Variants in GALNT16 observed in about 807,000 individuals in gnomAD.
The protein encoded by GALNT16 is polypeptide N-acetylgalactosaminyltransferase 16.
Under a neutral mutation model 76.1 loss-of-function variants are expected in GALNT16, and 40 were observed. The observed-to-expected ratio is 0.53, with a 90% CI of 0.41 to 0.68. The LOEUF (loss-of-function observed/expected upper bound fraction) is 0.68. Ranked by LOEUF, GALNT16 falls within the 30% of genes least tolerant of loss-of-function variation. The pLI is 0.00. For missense variants in GALNT16, 621 were observed against 731.9 expected, an observed-to-expected ratio of 0.85 and a Z score of 1.75; for synonymous variants, 276 against 285.2, an observed-to-expected ratio of 0.97 and a Z score of 0.32.
At chr14:69,368,503 C>A in the GALNT16 span, among the ~76,000 whole-genome samples, 2 of 152,226 alleles carry the variant, frequency 1.3e-5, no homozygotes, top group Non-Finnish European at 2.9e-5. Flanking sequence ...TTGGAACCAA[C>A]AGTCTCAGAG....
At chr14:69,385,474 T>C in the GALNT16 span, among the ~76,000 whole-genome samples, 1 of 152,054 alleles carries the variant, frequency 6.6e-6, no homozygotes, top group Non-Finnish European at 1.5e-5. Context: ...CTCCCTTTTT[T>C]ATGATTGAAC....
the GALNT16 span, among the ~76,000 whole-genome samples, chr14:69,365,415 G>C: frequency 6.6e-6 from 1 of 152,168 alleles, no homozygotes; most frequent in African/African-American, 2.4e-5. Context: ...CTGGCACATG[G>C]TAGACAGTAA....
At chr14:69,269,616 TTGTG>T (rs1159307431) in intron 1 of GALNT16, among the ~76,000 whole-genome samples, 1 of 148,204 alleles carries the variant, frequency 6.7e-6, no homozygotes, top group Non-Finnish European at 1.5e-5. Context: ...GTGTTATATG[TTGTG>T]TGTGTGTGGT....
chr14:69,363,775 G>A, the GALNT16 span, among the ~76,000 whole-genome samples: 8 of 152,050 alleles, frequency 5.3e-5, no homozygotes, highest in Non-Finnish European at 1.2e-4. Flanking sequence ...CCTGGTTCCT[G>A]GGCTCTAAAA....
At chr14:69,321,897 C>T (rs574988195) in intron 2 of GALNT16, among the ~76,000 whole-genome samples, 4 of 152,370 alleles carry the variant, frequency 2.6e-5, no homozygotes, top group African/African-American at 9.6e-5. Flanking sequence ...GCTGGGCCTC[C>T]GTCTGGTCCT....
chr14:69,385,017 C>T, the GALNT16 span, among the ~76,000 whole-genome samples: 3 of 152,168 alleles, frequency 2.0e-5, no homozygotes, highest in Non-Finnish European at 4.4e-5. Flanking sequence ...CTTCCTAACA[C>T]TCTAATGTGA....
At chr14:69,302,911 A>T (rs2044874234) in intron 1 of GALNT16, among the ~76,000 whole-genome samples, 1 of 152,216 alleles carries the variant, frequency 6.6e-6, no homozygotes, top group East Asian at 1.9e-4. Context: ...GCTTATCTGA[A>T]ATTTTAATTT....
rs145492296 is a variant in GALNT16 at position 69,265,648 on chromosome 14, C to T, written c.177+5181C>T. Reference sequence around the variant, plus strand: ...TTGAGGAGACCTTAAGCACCTTCCCCATGAACAGCAGAGCAAAGACACAGG... The same window carrying T: ...TTGAGGAGACCTTAAGCACCTTCCCTATGAACAGCAGAGCAAAGACACAGG... On this transcript the variant is annotated intron_variant, in intron 1 of 14. Coordinates refer to ENST00000448469, the MANE Select transcript of GALNT16 (RefSeq NM_001168368.2). Among the ~76,000 whole-genome samples, 508 of 152,332 alleles carry T rather than the reference C, an allele frequency of 3.3e-3. 3 individuals are homozygous for T. The highest frequency in any genetic ancestry group is 0.012 in the African/African-American group (492 of 41,576).
chr14:69,324,557 C>T, intron 2 of GALNT16, 135 bp from the exon 3 acceptor site: 1 of 512,092 alleles, frequency 2.0e-6, no homozygotes, highest in Non-Finnish European at 3.5e-6. Flanking sequence ...AGGCGCGGGG[C>T]CTCTGGCCTG....
At chr14:69,273,803 G>T (rs1377187041) in intron 1 of GALNT16, among the ~76,000 whole-genome samples, 2 of 152,188 alleles carry the variant, frequency 1.3e-5, no homozygotes, top group African/African-American at 4.8e-5. Context: ...CAGCCTACTG[G>T]CAAGATAGGA....
chr14:69,360,456 CAT>C (rs1373193016), downstream of GALNT16, among the ~76,000 whole-genome samples: 3 of 151,700 alleles, frequency 2.0e-5, no homozygotes, highest in East Asian at 5.8e-4. Flanking sequence ...GGTGAAACCA[CAT>C]CTCTACTAAA....
chr14:69,288,754 AC>A (rs2044651224), intron 1 of GALNT16, among the ~76,000 whole-genome samples: 1 of 152,196 alleles, frequency 6.6e-6, no homozygotes, highest in Non-Finnish European at 1.5e-5. Context: ...AGCATCAGAA[AC>A]TTCAAAACTC....
chr14:69,338,507 G>T, intron 9 of GALNT16, 144 bp from the exon 10 acceptor site: 1 of 1,058,674 alleles, frequency 9.4e-7, no homozygotes, highest in East Asian at 2.5e-5. Context: ...CAAGGAGTGG[G>T]AGCACTCCAT....
At chr14:69,263,183 C>T (rs935371589) in intron 1 of GALNT16, among the ~76,000 whole-genome samples, 11 of 152,166 alleles carry the variant, frequency 7.2e-5, no homozygotes, top group Non-Finnish European at 1.5e-4. Flanking sequence ...ATAGGATTCT[C>T]ACCCATTTCT....
the GALNT16 span, among the ~76,000 whole-genome samples, chr14:69,385,387 T>C: frequency 6.6e-6 from 1 of 152,156 alleles, no homozygotes; most frequent in Non-Finnish European, 1.5e-5. Flanking sequence ...TTTCAAATGA[T>C]GTCCTTGCTC....
At chr14:69,276,284 G>A (rs899877465) in intron 1 of GALNT16, among the ~76,000 whole-genome samples, 1 of 152,214 alleles carries the variant, frequency 6.6e-6, no homozygotes, top group Admixed American at 6.5e-5. Flanking sequence ...GAGTGTCCTG[G>A]AGAAGGATGG....
chr14:69,343,015 T>C (rs1207265304), intron 12 of GALNT16, among the ~76,000 whole-genome samples: 2 of 152,228 alleles, frequency 1.3e-5, no homozygotes, highest in East Asian at 3.8e-4. Flanking sequence ...GTGGAGGCTT[T>C]GATCTGTTTG....
the GALNT16 span, among the ~76,000 whole-genome samples, chr14:69,365,461 A>C: frequency 6.6e-6 from 1 of 152,224 alleles, no homozygotes; most frequent in Non-Finnish European, 1.5e-5. Flanking sequence ...GAACGAGATC[A>C]TGTCCTTTGC....
At position 69,308,676 on chromosome 14, in the gene GALNT16, A is replaced by T. The variant is rs143170139; in HGVS notation, c.178-12035A>T. Reference sequence around the variant, plus strand: ...ATGCCTAGAAATATAAGGTGACCATATAATCTATTGCCTAAACCAGGACAA... The same window carrying T: ...ATGCCTAGAAATATAAGGTGACCATTTAATCTATTGCCTAAACCAGGACAA... On this transcript the variant is annotated intron_variant, in intron 1 of 14. Transcript: ENST00000448469. Among the ~76,000 whole-genome samples the T allele has an allele frequency of 6.4e-3, 975 of 152,360 alleles. 9 individuals are homozygous for T. Among genetic ancestry groups the T allele is most frequent in the African/African-American group, 0.021 (870 of 41,580 alleles).
Sources: gnomAD v4.1 joint callset for allele counts (sites outside exome capture counted in the v4.1 genomes callset) on GRCh38, gnomAD v4.1.1 for gene constraint, MANE v1.5 for transcripts, NCBI Gene and HGNC (gene_info 2026-07-23, HGNC 2026-07-21) for gene names.